PSD3: variants seen among roughly 807,000 people sequenced by gnomAD.
The protein encoded by PSD3 is pleckstrin and Sec7 domain containing 3.
A neutral mutation model predicts 105.5 loss-of-function variants in PSD3; 49 were observed. The observed-to-expected ratio is 0.46, with a 90% CI of 0.37 to 0.59. The LOEUF is 0.59. Among genes scored for constraint, PSD3 ranks in the 20% least tolerant of loss-of-function variants. The pLI, the probability that PSD3 is intolerant of heterozygous loss-of-function variation, is 0.00. For synonymous variants in PSD3, 557 were observed against 457.8 expected, an observed-to-expected ratio of 1.22 and a Z score of -2.77; for missense variants, 1,561 against 1,263.8, an observed-to-expected ratio of 1.24 and a Z score of -3.57.
chr8:18,592,165 T>G (rs1272495981), intron 12 of PSD3, among the ~76,000 whole-genome samples: 1 of 151,828 alleles, frequency 6.6e-6, no homozygotes, highest in East Asian at 1.9e-4. Flanking sequence ...ATAAACAAAA[T>G]GAGAATATCA....
rs17127405 is a variant in PSD3 at position 18,891,358 on chromosome 8, G to A, written c.131-18625C>T. On this transcript the variant is annotated intron_variant, in intron 2 of 15. Coordinates refer to ENST00000327040, the MANE Select transcript of PSD3 (RefSeq NM_015310.4). ...ACAATAAATAAATGCGTTTTCGTTC[G>A]CTTCCACTTCAGGAAATGATTTTGT... Among the ~76,000 whole-genome samples the A allele has an allele frequency of 6.7e-3, 1,022 of 151,808 alleles. 16 individuals are homozygous for A. Among genetic ancestry groups the A allele is most frequent in the African/African-American group, 0.024 (978 of 41,408 alleles).
chr8:18,652,690 G>T (rs1003204775), intron 10 of PSD3, among the ~76,000 whole-genome samples: 6 of 151,708 alleles, frequency 4.0e-5, no homozygotes, highest in African/African-American at 1.5e-4. Context: ...TAGAGATGAG[G>T]TTTCACCATG....
intron 8 of PSD3, among the ~76,000 whole-genome samples, chr8:18,771,633 T>A (rs750849427): frequency 3.9e-5 from 6 of 152,248 alleles, no homozygotes; most frequent in African/African-American, 7.2e-5. Context: ...GAAACTCTTT[T>A]TGAAATCAAC....
At chr8:18,628,095 G>A (rs1806623262) in intron 11 of PSD3, among the ~76,000 whole-genome samples, 1 of 151,842 alleles carries the variant, frequency 6.6e-6, no homozygotes, top group South Asian at 2.1e-4. Flanking sequence ...ATGACAAAGA[G>A]TTAAAAATAT....
intron 11 of PSD3, among the ~76,000 whole-genome samples, chr8:18,609,080 C>A (rs1418201254): frequency 1.3e-5 from 2 of 151,970 alleles, no homozygotes; most frequent in African/African-American, 4.8e-5. Context: ...ATGAGCATTG[C>A]CTATTGTTTT....
intron 6 of PSD3, among the ~76,000 whole-genome samples, chr8:18,804,147 C>T (rs953142442): frequency 1.3e-5 from 2 of 152,102 alleles, no homozygotes; most frequent in African/African-American, 4.8e-5. Context: ...ACAATTTGAG[C>T]TAAGTTCACA....
At chr8:18,605,180 T>C (rs916853704) in intron 11 of PSD3, among the ~76,000 whole-genome samples, 2 of 152,166 alleles carry the variant, frequency 1.3e-5, no homozygotes, top group African/African-American at 4.8e-5. Context: ...AGGCAGTCAA[T>C]GCCATCCCAT....
chr8:18,986,726 C>T (rs1363934542), intron 1 of PSD3, among the ~76,000 whole-genome samples: 5 of 152,072 alleles, frequency 3.3e-5, no homozygotes, highest in African/African-American at 1.2e-4. Context: ...TTAAACCCAA[C>T]GGGCTAACGT....
At chr8:19,039,559 T>G (rs1828055234) in intron 1 of PSD3, among the ~76,000 whole-genome samples, 2 of 152,146 alleles carry the variant, frequency 1.3e-5, no homozygotes, top group South Asian at 4.2e-4. Context: ...GACCTAGAGG[T>G]CTTCATCAAA....
chr8:18,561,694 A>G (rs1801405514), intron 14 of PSD3, among the ~76,000 whole-genome samples: 1 of 152,132 alleles, frequency 6.6e-6, no homozygotes, highest in Non-Finnish European at 1.5e-5. Flanking sequence ...TAAAATTGTT[A>G]AAAAAATATT....
intron 15 of PSD3, among the ~76,000 whole-genome samples, chr8:18,555,888 G>A (rs1423459066): frequency 6.6e-6 from 1 of 152,182 alleles, no homozygotes; most frequent in African/African-American, 2.4e-5. Flanking sequence ...GAGACACAGG[G>A]ATACAGAAAG....
rs148811751 is a variant in PSD3, at chr8:18,792,890, G to A, written c.2082+6405C>T. On this transcript the variant is annotated intron_variant, in intron 8 of 15. Transcript: ENST00000327040. Reference sequence around the variant, plus strand: ...ACACATGCACACTTATGTTTATTGCGGCACTATTCACAATAGCGAAGACTT... The same window carrying A: ...ACACATGCACACTTATGTTTATTGCAGCACTATTCACAATAGCGAAGACTT... Among the ~76,000 whole-genome samples, 206 of 152,172 alleles carry A rather than the reference G, an allele frequency of 1.4e-3. 7 individuals carry two copies. In the East Asian group the frequency reaches 0.032, roughly 24 times the overall value.
At chr8:18,543,629 A>G (rs1800275805) in intron 15 of PSD3, among the ~76,000 whole-genome samples, 1 of 152,004 alleles carries the variant, frequency 6.6e-6, no homozygotes, top group South Asian at 2.1e-4. Context: ...AAAACAAAAA[A>G]AAAAACAACA....
intron 4 of PSD3, among the ~76,000 whole-genome samples, chr8:18,827,716 A>G (rs1004054240): frequency 6.6e-6 from 1 of 152,082 alleles, no homozygotes; most frequent in African/African-American, 2.4e-5. Flanking sequence ...TTCCATGTAA[A>G]GTAATCAATA....
intron 2 of PSD3, among the ~76,000 whole-genome samples, chr8:18,919,535 G>T (rs1371707533): frequency 6.6e-6 from 1 of 151,902 alleles, no homozygotes; most frequent in Non-Finnish European, 1.5e-5. Flanking sequence ...AACAAGCATG[G>T]AAAGCATCCA....
At chr8:18,771,203 A>G (rs1360927228) in intron 8 of PSD3, among the ~76,000 whole-genome samples, 3 of 152,166 alleles carry the variant, frequency 2.0e-5, no homozygotes, top group Non-Finnish European at 4.4e-5. Context: ...GGAAAAGGCA[A>G]CATTTGAACA....
intron 1 of PSD3, among the ~76,000 whole-genome samples, chr8:19,027,320 G>C (rs534297353): frequency 2.0e-5 from 3 of 152,336 alleles, no homozygotes; most frequent in African/African-American, 7.2e-5. Flanking sequence ...TTCTGACAGA[G>C]TGGAGCTTTT....
intron 9 of PSD3, among the ~76,000 whole-genome samples, chr8:18,716,066 T>C (rs1802567320): frequency 6.6e-6 from 1 of 152,160 alleles, no homozygotes; most frequent in South Asian, 2.1e-4. Context: ...GTGAGTGCTA[T>C]TTCAAAGAGG....
At chr8:18,665,682 C>T (rs1023240231) in intron 9 of PSD3, among the ~76,000 whole-genome samples, 1 of 152,194 alleles carries the variant, frequency 6.6e-6, no homozygotes, top group Non-Finnish European at 1.5e-5. Flanking sequence ...ACACAGAAAT[C>T]TTTCATGAAA....
Sources: gnomAD v4.1 joint callset for allele counts (sites outside exome capture counted in the v4.1 genomes callset) on GRCh38, gnomAD v4.1.1 for gene constraint, MANE v1.5 for transcripts, NCBI Gene and HGNC (gene_info 2026-07-23, HGNC 2026-07-21) for gene names.